Variants in KCNH8 observed in about 807,000 individuals in gnomAD.
KCNH8 encodes the protein voltage-gated delayed rectifier potassium channel KCNH8.
Under a neutral mutation model 103.6 loss-of-function variants are expected in KCNH8, and 70 were observed. The ratio of observed to expected loss-of-function variants is 0.68; its 90% CI spans 0.56 to 0.82. KCNH8 has a LOEUF of 0.82. Among genes scored for constraint, KCNH8 ranks in the 40% least tolerant of loss-of-function variants. The pLI is 0.00. For synonymous variants in KCNH8, 498 were observed against 489.4 expected (o/e 1.02, Z -0.23); for missense variants, 1,217 against 1,329.9 (o/e 0.92, Z 1.32).
chr3:19,275,815 TTC>T lies in KCNH8; in HGVS notation c.311-5382_311-5381del, dbSNP rs550551699. On this transcript the variant is annotated intron_variant, in intron 2 of 15. Coordinates refer to ENST00000328405, the MANE Select transcript of KCNH8 (RefSeq NM_144633.3). ...ATTTTCTAGTCCCTTGAAAGACACT[TTC>T]CATATTGATTAGAGTCTGGAATGTT... Among the ~76,000 whole-genome samples the T allele has an allele frequency of 4.6e-3, 697 of 152,192 alleles. 3 individuals are homozygous for T. The highest frequency in any genetic ancestry group is 0.015 in the African/African-American group (641 of 41,518).
chr3:19,445,797 A>G (rs2067354532), intron 8 of KCNH8, among the ~76,000 whole-genome samples: 1 of 152,068 alleles, frequency 6.6e-6, no homozygotes. Context: ...GCTTACAATT[A>G]TAAAACTTTT....
intron 5 of KCNH8, among the ~76,000 whole-genome samples, chr3:19,363,214 G>T (rs746401153): frequency 6.6e-6 from 1 of 152,084 alleles, no homozygotes; most frequent in Non-Finnish European, 1.5e-5. Flanking sequence ...TACCTGTCAG[G>T]CATCCTTTAT....
At chr3:19,348,309 C>G (rs1011172200) in intron 5 of KCNH8, among the ~76,000 whole-genome samples, 5 of 152,066 alleles carry the variant, frequency 3.3e-5, no homozygotes, top group Admixed American at 6.6e-5. Context: ...AAAAACCCAC[C>G]AGTGGTGTTG....
At chr3:19,352,445 A>G (rs1416644978) in intron 5 of KCNH8, among the ~76,000 whole-genome samples, 1 of 152,200 alleles carries the variant, frequency 6.6e-6, no homozygotes, top group Admixed American at 6.5e-5. Context: ...TCTCAGCACC[A>G]CATCGCAATT....
intron 3 of KCNH8, among the ~76,000 whole-genome samples, chr3:19,307,189 C>T (rs9845765): frequency 0.22 from 33,935 of 151,634 alleles, 4,075 homozygotes; most frequent in Middle Eastern, 0.31. Context: ...GAAACTCAAA[C>T]ATCTCAACAG....
At chr3:19,246,280 T>G (rs558284231) in intron 1 of KCNH8, among the ~76,000 whole-genome samples, 72 of 141,704 alleles carry the variant, frequency 5.1e-4, no homozygotes, top group African/African-American at 1.7e-3. Flanking sequence ...TGTTGTTTTT[T>G]TTTTTTTTTT....
At chr3:19,508,482 C>T (rs373031377) in intron 11 of KCNH8, among the ~76,000 whole-genome samples, 4 of 152,054 alleles carry the variant, frequency 2.6e-5, no homozygotes, top group African/African-American at 9.7e-5. Flanking sequence ...CTTTTGTTTC[C>T]TCTTCTGCAG....
At chr3:19,431,613 G>T (rs1322167613) in intron 7 of KCNH8, among the ~76,000 whole-genome samples, 1 of 151,794 alleles carries the variant, frequency 6.6e-6, no homozygotes, top group Non-Finnish European at 1.5e-5. Flanking sequence ...GTGGTCATGG[G>T]TTTGTTTGTT....
intron 3 of KCNH8, among the ~76,000 whole-genome samples, chr3:19,340,629 G>C (rs764874013): frequency 6.6e-6 from 1 of 151,816 alleles, no homozygotes; most frequent in East Asian, 1.9e-4. Flanking sequence ...CTTACTTTTT[G>C]TTACTAAAAT....
intron 1 of KCNH8, among the ~76,000 whole-genome samples, chr3:19,203,043 C>G (rs554930235): frequency 3.3e-5 from 5 of 152,092 alleles, no homozygotes; most frequent in African/African-American, 1.2e-4. Context: ...AATGGAGTAG[C>G]AATATATTTG....
At chr3:19,299,613 C>T (rs1452361540) in intron 3 of KCNH8, among the ~76,000 whole-genome samples, 3 of 151,804 alleles carry the variant, frequency 2.0e-5, no homozygotes, top group Admixed American at 2.0e-4. Context: ...ACCTATGTAA[C>T]ACACCTGCAC....
In KCNH8 at chr3:19,254,042, T is replaced by C. The variant is rs1027587272; in HGVS notation, c.310+155T>C. Among the ~76,000 whole-genome samples, 3 of 152,090 alleles carry C rather than the reference T, an allele frequency of 2.0e-5. No homozygotes were observed. The East Asian group carries it at 5.8e-4, about 29-fold the overall frequency. On this transcript the variant is annotated intron_variant, in intron 2 of 15. Transcript: ENST00000328405. ...CCACAAATGACTTGGATGATAGCCT[T>C]GTTTTAACCATAAGCAGCATAAACT... is the stretch of plus-strand genomic sequence containing the variant.
chr3:19,294,977 A>G (rs1389986959), intron 3 of KCNH8, among the ~76,000 whole-genome samples: 2 of 152,186 alleles, frequency 1.3e-5, no homozygotes, highest in East Asian at 3.8e-4. Context: ...TATACAATAT[A>G]TTTCTAGTTT....
At chr3:19,370,795 T>G (rs943362115) in intron 5 of KCNH8, among the ~76,000 whole-genome samples, 1 of 143,882 alleles carries the variant, frequency 7.0e-6, no homozygotes, top group Non-Finnish European at 1.5e-5. Flanking sequence ...GAGTGTGATA[T>G]TCCCCTTCCT....
At chr3:19,350,839 G>T (rs59656700) in intron 5 of KCNH8, among the ~76,000 whole-genome samples, 2 of 152,240 alleles carry the variant, frequency 1.3e-5, no homozygotes, top group African/African-American at 4.8e-5. Flanking sequence ...CCAAAGGAAC[G>T]CACCTCCTTG....
chr3:19,272,635 T>TCCA (rs2064605340), intron 2 of KCNH8, among the ~76,000 whole-genome samples: 1 of 152,114 alleles, frequency 6.6e-6, no homozygotes, highest in Non-Finnish European at 1.5e-5. Flanking sequence ...TTCTCATAGT[T>TCCA]TGCTTCTAAG....
rs559813461 is a variant in KCNH8, at chr3:19,284,870, A to T, written c.442+3541A>T. Among the ~76,000 whole-genome samples, 451 of 134,438 alleles carry T rather than the reference A, an allele frequency of 3.4e-3. 3 individuals carry two copies. Among genetic ancestry groups the T allele is most frequent in the African/African-American group, 0.013 (401 of 30,894 alleles). The allele number at this position is 134,438 out of a possible 152,430, so 88.2% of individuals were successfully genotyped here. A position where few individuals can be genotyped will look rare whatever the true frequency, so the allele number is the denominator to read the frequency against. Reference sequence around the variant, plus strand: ...TGGCAGTTAAATATGTCCTTTTTATAAAAAAAAAAAAGAAAAGGAAAGAAA... The same window carrying T: ...TGGCAGTTAAATATGTCCTTTTTATTAAAAAAAAAAAGAAAAGGAAAGAAA... On this transcript the variant is annotated intron_variant, in intron 3 of 15. Transcript: ENST00000328405.
intron 1 of KCNH8, among the ~76,000 whole-genome samples, chr3:19,175,836 T>C (rs930887921): frequency 6.6e-6 from 1 of 152,204 alleles, no homozygotes; most frequent in African/African-American, 2.4e-5. Context: ...ATCCTAATAC[T>C]GTCTATGACT....
rs566091964 is a variant in KCNH8, at chr3:19,372,891, T to A, written c.812-17590T>A. 3.4e-4 allele frequency among the ~76,000 whole-genome samples: 51 copies of A among 152,194 alleles called. 2 individuals carry two copies. The South Asian group carries it at 8.7e-3, about 26-fold the overall frequency. On this transcript the variant is annotated intron_variant, in intron 5 of 15. Coordinates refer to ENST00000328405, the MANE Select transcript of KCNH8 (RefSeq NM_144633.3). The stretch of plus-strand genomic sequence containing the variant: ...GAACCATGTGGTTTTTGTCTTTGGC[T>A]CATTTATATGCTGGATTACATTTAT...
Sources: gnomAD v4.1 joint callset for allele counts (sites outside exome capture counted in the v4.1 genomes callset) on GRCh38, gnomAD v4.1.1 for gene constraint, MANE v1.5 for transcripts, NCBI Gene and HGNC (gene_info 2026-07-23, HGNC 2026-07-21) for gene names.